The following ALCAM variants were observed in gnomAD, a reference collection of about 807,000 sequenced individuals.
ALCAM encodes the protein CD166 antigen.
In ALCAM, 30 loss-of-function variants were observed where a neutral mutation model predicts 70.9. The ratio of observed to expected loss-of-function variants is 0.42; its 90% confidence interval spans 0.32 to 0.57. ALCAM has a LOEUF of 0.57. ALCAM is among the 20% of genes least tolerant of loss of function. The pLI is 0.11. For synonymous variants in ALCAM, 249 were observed against 242.5 expected (o/e 1.03, Z -0.25); for missense variants, 591 against 695.1 (o/e 0.85, Z 1.68).
At chr3:105,411,003 C>T (rs1002497686) in intron 1 of ALCAM, among the ~76,000 whole-genome samples, 1 of 151,950 alleles carries the variant, frequency 6.6e-6, no homozygotes, top group Non-Finnish European at 1.5e-5. Flanking sequence ...CTTCTCCTAA[C>T]CCATTAATGG....
chr3:105,497,457 CTTA>C (rs1408299180), intron 1 of ALCAM, among the ~76,000 whole-genome samples: 3 of 152,008 alleles, frequency 2.0e-5, no homozygotes, highest in Non-Finnish European at 4.4e-5. Flanking sequence ...GTTAGCCTTG[CTTA>C]TTATTTTTTT....
At chr3:105,551,700 C>T (rs531885777) in intron 12 of ALCAM, among the ~76,000 whole-genome samples, 1 of 151,610 alleles carries the variant, frequency 6.6e-6, no homozygotes, top group East Asian at 1.9e-4. Context: ...ACTTTGAGAA[C>T]ATCTCTAGTG....
Position 105,413,544 on chromosome 3 carries a change from A to G in ALCAM, c.73+46063A>G, listed in dbSNP as rs1302288727. ...TGATATCTACTTCCTCCTCTGGTGC[A>G]TAGTAGATGGATGTGGGATAAGTCA... On this transcript the variant is annotated intron_variant, in intron 1 of 15. Transcript: ENST00000306107. Among the ~76,000 whole-genome samples the G allele has an allele frequency of 8.5e-5, 13 of 152,242 alleles. No homozygotes were observed. The East Asian group carries it at 2.1e-3, about 25-fold the overall frequency.
At chr3:105,459,881 T>G (rs1937580103) in intron 1 of ALCAM, among the ~76,000 whole-genome samples, 1 of 152,030 alleles carries the variant, frequency 6.6e-6, no homozygotes, top group Non-Finnish European at 1.5e-5. Flanking sequence ...ATAGACTAAT[T>G]AGACTTGCAT....
chr3:105,388,023 A>G (rs1240812727), intron 1 of ALCAM, among the ~76,000 whole-genome samples: 2 of 151,536 alleles, frequency 1.3e-5, no homozygotes, highest in African/African-American at 2.4e-5. Context: ...CCCAGTCACC[A>G]TGCACCATAA....
chr3:105,508,055 T>G (rs2152618761), intron 1 of ALCAM, among the ~76,000 whole-genome samples: 1 of 152,256 alleles, frequency 6.6e-6, no homozygotes, highest in Non-Finnish European at 1.5e-5. Context: ...TTTTGAAAAT[T>G]AGAACAGCTG....
intron 10 of ALCAM, 34 bp from the exon 11 acceptor site, chr3:105,547,356 A>T: frequency 6.3e-7 from 1 of 1,585,196 alleles, no homozygotes; most frequent in Non-Finnish European, 8.6e-7. Flanking sequence ...TTATGATCTC[A>T]GTTCAACATC....
Position 105,368,265 on chromosome 3 carries a change from A to AGAGAGAGAGAGAGAGAGAGAG in ALCAM, c.73+784_73+785insGAGAGAGAGAGAGAGAGAGAG, listed in dbSNP as rs1553716633. Among the ~76,000 whole-genome samples the AGAGAGAGAGAGAGAGAGAGAG allele has an allele frequency of 3.0e-3, 79 of 25,912 alleles. 1 individual carries two copies. Among genetic ancestry groups the AGAGAGAGAGAGAGAGAGAGAG allele is most frequent in the East Asian group, 7.8e-3 (2 of 256 alleles). 17.0% of individuals were successfully genotyped at this position (25,912 alleles called of 152,430 possible). On this transcript the variant is annotated intron_variant, in intron 1 of 15. Coordinates refer to ENST00000306107, the MANE Select transcript of ALCAM (RefSeq NM_001627.4). ...AGAGAGAGAGAGAGAGAGAGAGAGA[A>AGAGAGAGAGAGAGAGAGAGAG]AAGGCAAAATTCCCAACAACTAAAA...
chr3:105,453,623 G>A (rs1937486230), intron 1 of ALCAM, among the ~76,000 whole-genome samples: 1 of 152,192 alleles, frequency 6.6e-6, no homozygotes, highest in Non-Finnish European at 1.5e-5. Context: ...GTCAATGGTA[G>A]TTTGATGGGA....
At chr3:105,410,020 A>C (rs1022857900) in intron 1 of ALCAM, among the ~76,000 whole-genome samples, 6 of 152,062 alleles carry the variant, frequency 3.9e-5, no homozygotes, top group South Asian at 2.1e-4. Flanking sequence ...CATAGCTTAC[A>C]TTAGGGTTCA....
chr3:105,425,041 C>A (rs1244543983), intron 1 of ALCAM, among the ~76,000 whole-genome samples: 1 of 151,484 alleles, frequency 6.6e-6, no homozygotes, highest in African/African-American at 2.4e-5. Context: ...TGCCTCCAAC[C>A]TATGAGTGCC....
At chr3:105,519,385 T>C (rs899381985) in intron 1 of ALCAM, among the ~76,000 whole-genome samples, 6 of 152,016 alleles carry the variant, frequency 3.9e-5, no homozygotes, top group African/African-American at 1.2e-4. Context: ...GTTTAAATTA[T>C]ATTGTCTTCC....
intron 14 of ALCAM, chr3:105,552,945 C>T (rs895656427): frequency 1.4e-5 from 15 of 1,054,144 alleles, no homozygotes; most frequent in Non-Finnish European, 1.7e-5. Flanking sequence ...GTACCTAGTA[C>T]ATCTTGTAGG....
intron 12 of ALCAM, among the ~76,000 whole-genome samples, chr3:105,551,453 G>T (rs1395622852): frequency 6.6e-5 from 10 of 151,652 alleles, no homozygotes; most frequent in Admixed American, 3.9e-4. Flanking sequence ...TAGCATGTAT[G>T]AGGAGAGGTC....
chr3:105,565,271 T>C (rs999043730), intron 14 of ALCAM, among the ~76,000 whole-genome samples: 1 of 152,218 alleles, frequency 6.6e-6, no homozygotes, highest in African/African-American at 2.4e-5. Flanking sequence ...CTGGTATACA[T>C]ATATTAGACT....
Position 105,524,269 on chromosome 3 carries a change from A to C in ALCAM, c.175-20A>C. 1 of 1,579,242 alleles carries C rather than the reference A, an allele frequency of 6.3e-7. No individual in the cohort carries two copies. ...TCTGAATATGCTTGTGTTTAAATGTATTATTATTTTAATTTTTAGGAAAAG... is the reference window on the plus strand; with the variant it reads ...TCTGAATATGCTTGTGTTTAAATGTCTTATTATTTTAATTTTTAGGAAAAG... On this transcript the variant is annotated intron_variant, in intron 2 of 15. Coordinates refer to ENST00000306107, the MANE Select transcript of ALCAM (RefSeq NM_001627.4).
intron 6 of ALCAM, among the ~76,000 whole-genome samples, chr3:105,537,846 C>T (rs554993028): frequency 1.3e-4 from 20 of 152,184 alleles, no homozygotes; most frequent in African/African-American, 4.3e-4. Flanking sequence ...AATTCCAGCA[C>T]TTAAGGCTTG....
Position 105,575,538 on chromosome 3 carries a change from G to A in ALCAM, c.*1087G>A, listed in dbSNP as rs145213557. 6.4e-4 allele frequency: 98 copies of A among 152,562 alleles called. No individual in the cohort carries two copies. Among genetic ancestry groups the A allele is most frequent in the African/African-American group, 2.2e-3 (90 of 41,508 alleles). 9.5% of individuals were successfully genotyped at this position (152,562 alleles called of 1,614,324 possible). A position where few individuals can be genotyped will look rare whatever the true frequency, so the allele number is the denominator to read the frequency against. ...TTGAGATAATTTAGTGTTTTTAACTGATACATAATTTATCAAGCAGTACAT... is the reference window on the plus strand; with the variant it reads ...TTGAGATAATTTAGTGTTTTTAACTAATACATAATTTATCAAGCAGTACAT... On this transcript the variant is annotated 3_prime_UTR_variant, in exon 16 of 16. Transcript: ENST00000306107.
chr3:105,375,967 A>G (rs930315712), intron 1 of ALCAM, among the ~76,000 whole-genome samples: 1 of 152,152 alleles, frequency 6.6e-6, no homozygotes, highest in Non-Finnish European at 1.5e-5. Flanking sequence ...CTTGGGCAAA[A>G]CATACGGCCT....
Sources: allele counts gnomAD v4.1 joint callset (sites outside exome capture counted in the v4.1 genomes callset), GRCh38; gene constraint gnomAD v4.1.1; transcripts MANE v1.5; gene names NCBI Gene and HGNC (gene_info 2026-07-23, HGNC 2026-07-21).